The following GALNT13 variants were observed in gnomAD, a reference collection of about 807,000 sequenced individuals.
GALNT13 encodes the protein UDP-GalNAc:polypeptide N-acetylgalactosaminyltransferase 13.
A neutral mutation model predicts 64.2 loss-of-function variants in GALNT13; 28 were observed. The ratio of observed to expected loss-of-function variants is 0.44; its 90% CI spans 0.32 to 0.60. The LOEUF is 0.60. GALNT13 is among the 20% of genes least tolerant of loss of function. The pLI is 0.05. For missense variants in GALNT13, 577 were observed against 669.8 expected, an observed-to-expected ratio of 0.86 and a Z score of 1.53; for synonymous variants, 214 against 224.6, an observed-to-expected ratio of 0.95 and a Z score of 0.42.
chr2:153,534,571 G>A, the GALNT13 span, among the ~76,000 whole-genome samples: 17 of 146,924 alleles, frequency 1.2e-4, no homozygotes, highest in South Asian at 3.6e-3. Flanking sequence ...TTTCACCTGG[G>A]TGCAGGCGGG....
At chr2:153,888,659 GT>G (rs1687348246) in intron 1 of GALNT13, among the ~76,000 whole-genome samples, 1 of 151,822 alleles carries the variant, frequency 6.6e-6, no homozygotes, top group Non-Finnish European at 1.5e-5. Flanking sequence ...CAATAACTTT[GT>G]AAACAATTTC....
intron 4 of GALNT13, among the ~76,000 whole-genome samples, chr2:154,167,683 G>T (rs1685111158): frequency 6.6e-6 from 1 of 152,166 alleles, no homozygotes; most frequent in Admixed American, 6.5e-5. Context: ...TTAATGTAGG[G>T]AGAGAAAGGC....
chr2:153,436,613 C>T, the GALNT13 span, among the ~76,000 whole-genome samples: 2 of 152,162 alleles, frequency 1.3e-5, no homozygotes, highest in Admixed American at 6.5e-5. Flanking sequence ...AGTTTATTTG[C>T]ATAGAGGTGT....
At chr2:153,264,783 A>C in the GALNT13 span, among the ~76,000 whole-genome samples, 1 of 152,146 alleles carries the variant, frequency 6.6e-6, no homozygotes, top group African/African-American at 2.4e-5. Flanking sequence ...GGAACAATAC[A>C]CAGTGGGGCC....
the GALNT13 span, among the ~76,000 whole-genome samples, chr2:153,823,570 A>G: frequency 6.6e-6 from 1 of 151,708 alleles, no homozygotes; most frequent in East Asian, 1.9e-4. Flanking sequence ...AGCCATATGC[A>G]GAACAATCAA....
At chr2:154,012,686 C>T (rs1696729785) in intron 3 of GALNT13, among the ~76,000 whole-genome samples, 1 of 152,120 alleles carries the variant, frequency 6.6e-6, no homozygotes, top group Admixed American at 6.5e-5. Flanking sequence ...CTCCCTCTCT[C>T]TTTCTGCCAT....
the GALNT13 span, among the ~76,000 whole-genome samples, chr2:153,120,149 A>G: frequency 6.6e-6 from 1 of 152,074 alleles, no homozygotes; most frequent in African/African-American, 2.4e-5. Flanking sequence ...TTGATTGTAA[A>G]CTCACCTCAA....
At chr2:153,440,352 G>A in the GALNT13 span, among the ~76,000 whole-genome samples, 1 of 152,146 alleles carries the variant, frequency 6.6e-6, no homozygotes, top group Non-Finnish European at 1.5e-5. Flanking sequence ...GTCTATCATT[G>A]GTGGGCATTT....
chr2:154,250,943 C>G (rs541048355), intron 7 of GALNT13, among the ~76,000 whole-genome samples: 12 of 152,152 alleles, frequency 7.9e-5, no homozygotes, highest in Non-Finnish European at 1.6e-4. Flanking sequence ...GAATGCTCAA[C>G]TAGTCAATGC....
chr2:153,392,317 GA>G, the GALNT13 span, among the ~76,000 whole-genome samples: 8 of 147,426 alleles, frequency 5.4e-5, no homozygotes, highest in Non-Finnish European at 9.0e-5. Flanking sequence ...ATTACACTAA[GA>G]AAAAAAATGA....
the GALNT13 span, among the ~76,000 whole-genome samples, chr2:153,339,268 T>G: frequency 2.6e-5 from 4 of 152,220 alleles, no homozygotes; most frequent in African/African-American, 9.6e-5. Context: ...TTCTTCACAT[T>G]CTTGCCAACA....
the GALNT13 span, among the ~76,000 whole-genome samples, chr2:153,140,321 A>T: frequency 6.6e-6 from 1 of 152,080 alleles, no homozygotes; most frequent in African/African-American, 2.4e-5. Flanking sequence ...CAGAGACTTC[A>T]CAGAGGAGTC....
At chr2:153,735,411 A>G in the GALNT13 span, among the ~76,000 whole-genome samples, 1 of 152,154 alleles carries the variant, frequency 6.6e-6, no homozygotes, top group Non-Finnish European at 1.5e-5. Flanking sequence ...AGGGGTTGCA[A>G]TGAAAAATAG....
the GALNT13 span, among the ~76,000 whole-genome samples, chr2:153,770,106 T>C: frequency 6.6e-6 from 1 of 152,236 alleles, no homozygotes; most frequent in East Asian, 1.9e-4. Flanking sequence ...GGAGAGTTAA[T>C]GTAGTGCCTT....
rs190001141 is a variant in GALNT13, at chr2:153,996,075, G to T, written c.142+51436G>T. ...CCACATTTTCTTTATCCATTCATTG[G>T]TTGATGGATGCTTAAATTGCTTCCA... On this transcript the variant is annotated intron_variant, in intron 3 of 12. Transcript: ENST00000392825. Among the ~76,000 whole-genome samples the T allele has an allele frequency of 1.3e-3, 201 of 152,162 alleles. 1 individual carries two copies. Among genetic ancestry groups the T allele is most frequent in the Middle Eastern group, 6.8e-3 (2 of 294 alleles).
the GALNT13 span, among the ~76,000 whole-genome samples, chr2:153,838,026 C>A: frequency 6.6e-6 from 1 of 151,896 alleles, no homozygotes; most frequent in South Asian, 2.1e-4. Context: ...TAGTTGAGCA[C>A]CTTTTCATAT....
chr2:153,605,975 A>G, the GALNT13 span, among the ~76,000 whole-genome samples: 3 of 152,130 alleles, frequency 2.0e-5, no homozygotes, highest in Admixed American at 1.3e-4. Flanking sequence ...GATTAGAGCA[A>G]TAGTGAGGAG....
chr2:153,908,940 A>G (rs1688760835), intron 2 of GALNT13, among the ~76,000 whole-genome samples: 1 of 151,968 alleles, frequency 6.6e-6, no homozygotes, highest in Non-Finnish European at 1.5e-5. Flanking sequence ...AATGTTATTT[A>G]TAGTTTGATA....
intron 12 of GALNT13, among the ~76,000 whole-genome samples, chr2:154,440,836 G>T (rs1701254010): frequency 6.6e-6 from 1 of 152,202 alleles, no homozygotes; most frequent in Non-Finnish European, 1.5e-5. Flanking sequence ...TGCCTTTCTG[G>T]AAATTTCAGC....
Sources: allele counts gnomAD v4.1 joint callset (sites outside exome capture counted in the v4.1 genomes callset), GRCh38; gene constraint gnomAD v4.1.1; transcripts MANE v1.5; gene names NCBI Gene and HGNC (gene_info 2026-07-23, HGNC 2026-07-21).